Variants in CNTN4 observed in about 807,000 individuals in gnomAD.
CNTN4 encodes contactin-4.
In CNTN4, 77 loss-of-function variants were observed where a neutral mutation model predicts 122.5. That is an observed-to-expected ratio of 0.63 (90% CI 0.52 to 0.76). The LOEUF (loss-of-function observed/expected upper bound fraction) is 0.76. Ranked by LOEUF, CNTN4 falls within the 30% of genes least tolerant of loss-of-function variation. CNTN4 has a pLI of 0.00. For synonymous variants in CNTN4, 512 were observed against 447.0 expected, an observed-to-expected ratio of 1.15 and a Z score of -1.83; for missense variants, 1,256 against 1,259.1, an observed-to-expected ratio of 1.00 and a Z score of 0.04.
intron 2 of CNTN4, among the ~76,000 whole-genome samples, chr3:2,276,759 T>C (rs2041525074): frequency 6.6e-6 from 1 of 152,056 alleles, no homozygotes; most frequent in Non-Finnish European, 1.5e-5. Context: ...CTACTAAAAA[T>C]ACAAAAATTA....
At chr3:3,012,642 G>C (rs961445808) in intron 14 of CNTN4, among the ~76,000 whole-genome samples, 8 of 151,910 alleles carry the variant, frequency 5.3e-5, no homozygotes, top group Non-Finnish European at 1.2e-4. Flanking sequence ...GTAGAGACAG[G>C]GTTTCACTAT....
chr3:2,839,163 T>C (rs2093297039), intron 7 of CNTN4, among the ~76,000 whole-genome samples: 1 of 152,230 alleles, frequency 6.6e-6, no homozygotes, highest in Non-Finnish European at 1.5e-5. Flanking sequence ...TAGAGGCCAA[T>C]TATTTTGAAA....
chr3:2,431,217 A>G (rs537171580), intron 3 of CNTN4, among the ~76,000 whole-genome samples: 40 of 152,238 alleles, frequency 2.6e-4, no homozygotes, highest in Non-Finnish European at 5.9e-4. Flanking sequence ...GTACTAGAAT[A>G]TTATAACCCC....
intron 3 of CNTN4, among the ~76,000 whole-genome samples, chr3:2,507,014 G>A (rs2076747909): frequency 6.6e-6 from 1 of 152,184 alleles, no homozygotes; most frequent in Admixed American, 6.5e-5. Context: ...CTAGCTCATT[G>A]TGCTGAATGT....
At chr3:2,536,404 G>A (rs1411187580) in intron 3 of CNTN4, among the ~76,000 whole-genome samples, 1 of 151,992 alleles carries the variant, frequency 6.6e-6, no homozygotes, top group African/African-American at 2.4e-5. Flanking sequence ...TTCATATACT[G>A]AGACCAATTT....
intron 3 of CNTN4, among the ~76,000 whole-genome samples, chr3:2,425,515 G>A (rs1196688188): frequency 6.6e-6 from 1 of 152,110 alleles, no homozygotes; most frequent in African/African-American, 2.4e-5. Flanking sequence ...GATGCCTCCA[G>A]CTTTGTTCTT....
At chr3:2,148,942 C>CTGTGTGTGTG (rs59161687) in intron 2 of CNTN4, among the ~76,000 whole-genome samples, 1 of 149,102 alleles carries the variant, frequency 6.7e-6, no homozygotes, top group Non-Finnish European at 1.5e-5. Context: ...ACTACCGTGA[C>CTGTGTGTGTG]TGTGTGTGTG....
rs1452564546 is a variant in CNTN4, at chr3:2,709,305, T to G, written c.56-26910T>G. Among the ~76,000 whole-genome samples, 1 of 152,216 alleles carries G rather than the reference T, an allele frequency of 6.6e-6. No individual in the cohort carries two copies. On this transcript the variant is annotated intron_variant, in intron 4 of 24. Coordinates refer to ENST00000418658, the MANE Select transcript of CNTN4 (RefSeq NM_175607.3). The surrounding 1 kb of genome is among the most constrained non-coding windows in gnomAD (Gnocchi z 5.0). The stretch of plus-strand genomic sequence containing the variant: ...TGAATTTATAATTAGTACAGTGTGA[T>G]TCTCAACCTTGGCTGCATATTAGAA...
At chr3:2,519,976 A>G (rs1191655432) in intron 3 of CNTN4, among the ~76,000 whole-genome samples, 1 of 152,122 alleles carries the variant, frequency 6.6e-6, no homozygotes, top group African/African-American at 2.4e-5. Context: ...GAGGTAAAGC[A>G]TGTAAGGATT....
intron 13 of CNTN4, among the ~76,000 whole-genome samples, chr3:2,969,516 G>GATTATTATTATTATT (rs57712177): frequency 2.9e-3 from 355 of 121,456 alleles, no homozygotes; most frequent in African/African-American, 0.015. Flanking sequence ...GGAAAATTGG[G>GATTATTATTATTATT]ATTATTATTA....
chr3:2,280,709 T>C (rs2041682903), intron 2 of CNTN4, among the ~76,000 whole-genome samples: 1 of 152,204 alleles, frequency 6.6e-6, no homozygotes, highest in Non-Finnish European at 1.5e-5. Context: ...CAACTTGTAT[T>C]GCCTGCTTCC....
intron 2 of CNTN4, among the ~76,000 whole-genome samples, chr3:2,310,516 G>A (rs1179963479): frequency 6.6e-6 from 1 of 152,034 alleles, no homozygotes; most frequent in Admixed American, 6.6e-5. Context: ...ATAAGGGACC[G>A]CCTTCCCACT....
chr3:3,040,474 C>T, intron 20 of CNTN4: 1 of 599,898 alleles, frequency 1.7e-6, no homozygotes. Context: ...TATGAAAACA[C>T]TTGGCTGTCC....
At chr3:2,922,747 G>A (rs2094441075) in intron 12 of CNTN4, among the ~76,000 whole-genome samples, 1 of 151,484 alleles carries the variant, frequency 6.6e-6, no homozygotes, top group Non-Finnish European at 1.5e-5. Flanking sequence ...CCAGTAGTTG[G>A]ATTACAGAGG....
intron 7 of CNTN4, among the ~76,000 whole-genome samples, chr3:2,840,432 G>A (rs1430822789): frequency 1.3e-5 from 2 of 151,612 alleles, no homozygotes; most frequent in African/African-American, 4.8e-5. Context: ...CCGGCGCGGT[G>A]GCTCACGCCT....
chr3:2,883,387 A>G, intron 9 of CNTN4, 140 bp downstream of exon 9: 1 of 691,400 alleles, frequency 1.4e-6, no homozygotes, highest in Non-Finnish European at 2.6e-6. Flanking sequence ...CTGTGTATGC[A>G]TCTTGGATTC....
At chr3:2,913,845 A>G (rs6762178) in intron 12 of CNTN4, among the ~76,000 whole-genome samples, 21,436 of 152,214 alleles carry the variant, frequency 0.14, 1,843 homozygotes, top group Non-Finnish European at 0.19. Context: ...CTCTACTACA[A>G]CAGAATATGA....
chr3:2,736,388 A>G (rs908667740), intron 5 of CNTN4, 47 bp downstream of exon 5: 1 of 1,554,714 alleles, frequency 6.4e-7, no homozygotes, highest in African/African-American at 1.4e-5. Flanking sequence ...AGTTTCTGTT[A>G]TTAAAATCAA....
In CNTN4 at chr3:2,536,207, C is replaced by A. The variant is rs374115749; in HGVS notation, c.-88-35209C>A. 3.9e-5 allele frequency among the ~76,000 whole-genome samples: 6 copies of A among 152,220 alleles called. 1 individual carries two copies. The highest frequency in any genetic ancestry group is 1.4e-4 in the African/African-American group (6 of 41,542). ...AGATGACGTTTATATATCTGGGAAC[C>A]TTTTAAAAACCATCTAGATCTATGG... On this transcript the variant is annotated intron_variant, in intron 3 of 24. Coordinates refer to ENST00000418658, the MANE Select transcript of CNTN4 (RefSeq NM_175607.3).
Sources: gnomAD v4.1 joint callset for allele counts (sites outside exome capture counted in the v4.1 genomes callset) on GRCh38, gnomAD v4.1.1 for gene constraint, Gnocchi (gnomAD v3.1) non-coding constraint, MANE v1.5 for transcripts, NCBI Gene and HGNC (gene_info 2026-07-23, HGNC 2026-07-21) for gene names.